KLHL28: variants seen among roughly 807,000 people sequenced by gnomAD.
The protein encoded by KLHL28 is kelch-like protein 28.
Under a neutral mutation model 48.3 loss-of-function variants are expected in KLHL28, and 22 were observed. That is an observed-to-expected ratio of 0.46 (90% confidence interval 0.33 to 0.65). KLHL28 has a LOEUF of 0.65. Among genes scored for constraint, KLHL28 ranks in the 30% least tolerant of loss-of-function variants. The pLI, the probability that KLHL28 is intolerant of heterozygous loss-of-function variation, is 0.03. For synonymous variants in KLHL28, 243 were observed against 242.4 expected (o/e 1.00, Z -0.02); for missense variants, 527 against 704.3 (o/e 0.75, Z 2.85).
At chr14:44,956,182 A>G (rs1275599501) in intron 1 of KLHL28, among the ~76,000 whole-genome samples, 2 of 152,086 alleles carry the variant, frequency 1.3e-5, no homozygotes, top group Non-Finnish European at 2.9e-5. Flanking sequence ...ACTAGTCTCA[A>G]TCTCCTGGTC....
intron 1 of KLHL28, among the ~76,000 whole-genome samples, chr14:44,947,884 T>C (rs1421305880): frequency 6.6e-6 from 1 of 152,210 alleles, no homozygotes; most frequent in East Asian, 1.9e-4. Flanking sequence ...TCAAATGTTA[T>C]TGCAGTCATG....
At chr14:44,947,614 T>G (rs1399253947) in intron 1 of KLHL28, among the ~76,000 whole-genome samples, 2 of 152,196 alleles carry the variant, frequency 1.3e-5, no homozygotes, top group African/African-American at 4.8e-5. Context: ...GTTTCCATCT[T>G]AAAACCATCA....
chr14:44,948,047 A>G (rs1324210564), intron 1 of KLHL28, among the ~76,000 whole-genome samples: 2 of 152,120 alleles, frequency 1.3e-5, no homozygotes, highest in Admixed American at 1.3e-4. Flanking sequence ...TTTTTAACCT[A>G]TGTAACTTCT....
intron 4 of KLHL28, among the ~76,000 whole-genome samples, chr14:44,930,353 G>A (rs529855719): frequency 2.0e-5 from 3 of 152,086 alleles, no homozygotes; most frequent in Non-Finnish European, 2.9e-5. Context: ...GCAGTGGCGC[G>A]ATCTCGGTTC....
At chr14:44,935,905 T>TATATATATATATATATATATATATA (rs1233257500) in intron 2 of KLHL28, among the ~76,000 whole-genome samples, 99 of 123,572 alleles carry the variant, frequency 8.0e-4, no homozygotes, top group Middle Eastern at 4.0e-3. Context: ...TATATATATC[T>TATATATATATATATATATATATATA]TTACCCTCCC....
chr14:44,952,610 T>A (rs1202275573), intron 1 of KLHL28, among the ~76,000 whole-genome samples: 1 of 152,126 alleles, frequency 6.6e-6, no homozygotes, highest in African/African-American at 2.4e-5. Flanking sequence ...CATGGCACAA[T>A]GCAACCTCAA....
At chr14:44,948,336 G>T (rs1021780394) in intron 1 of KLHL28, among the ~76,000 whole-genome samples, 2 of 152,104 alleles carry the variant, frequency 1.3e-5, no homozygotes, top group Admixed American at 6.5e-5. Context: ...TACTACAGTA[G>T]TACTATGGTA....
chr14:44,932,101 C>G (rs1319434733), intron 3 of KLHL28, among the ~76,000 whole-genome samples: 2 of 151,388 alleles, frequency 1.3e-5, no homozygotes, highest in East Asian at 2.0e-4. Flanking sequence ...GAGCTCACTG[C>G]AGCCTCAAAT....
At chr14:44,960,372 A>T (rs1594589282) in intron 1 of KLHL28, among the ~76,000 whole-genome samples, 1 of 152,286 alleles carries the variant, frequency 6.6e-6, no homozygotes, top group Middle Eastern at 3.4e-3. Context: ...TCCAACATAA[A>T]CTGGCACTGT....
At chr14:44,960,925 G>T in intron 1 of KLHL28, 1 of 1,535,830 alleles carries the variant, frequency 6.5e-7, no homozygotes. Context: ...CATTTGAAGT[G>T]CATAAATTTG....
intron 1 of KLHL28, chr14:44,953,800 T>C (rs1229893112): frequency 6.6e-6 from 1 of 152,182 alleles, no homozygotes; most frequent in Non-Finnish European, 1.5e-5. Flanking sequence ...CAACCTGAGA[T>C]TAGGGAACAG....
At chr14:44,943,349 T>A (rs1004461011) in intron 2 of KLHL28, among the ~76,000 whole-genome samples, 1 of 152,214 alleles carries the variant, frequency 6.6e-6, no homozygotes, top group African/African-American at 2.4e-5. Context: ...AATACTAGTT[T>A]CAGGTTACAG....
chr14:44,926,476 C>T lies in KLHL28; in HGVS notation c.*2552G>A, dbSNP rs1221471798. ...ACATGAGTAAAATATTGTTAAAATA[C>T]AATGTATAGAATAGATGTGTTTATA... On this transcript the variant is annotated 3_prime_UTR_variant, in exon 5 of 5. Coordinates refer to ENST00000396128, the MANE Select transcript of KLHL28 (RefSeq NM_017658.5). The T allele has an allele frequency of 2.0e-5, 3 of 151,698 alleles. No individual in the cohort carries two copies. Among genetic ancestry groups the T allele is most frequent in the Admixed American group, 1.3e-4 (2 of 15,218 alleles). The allele number at this position is 151,698 out of a possible 1,614,324, so 9.4% of individuals were successfully genotyped here. A position where few individuals can be genotyped will look rare whatever the true frequency, so the allele number is the denominator to read the frequency against.
chr14:44,945,677 A>C lies in KLHL28; in HGVS notation c.252T>G (p.Thr84=). 1 of 1,614,196 alleles carries C rather than the reference A, an allele frequency of 6.2e-7. No homozygotes were observed. The highest frequency in any genetic ancestry group is 2.2e-5 in the East Asian group (1 of 44,890). The part of the protein sequence containing the change: ...SEVEFQCIDE[T]ALQAIVEYAY... ...CATACTCCACAATGGCCTGGAGAGC[A>C]GTTTCATCAATGCATTGAAACTCAA... Residue 84 remains threonine (T), a synonymous_variant, in exon 2 of 5, where the codon ACT becomes ACG. Coordinates refer to ENST00000396128, the MANE Select transcript of KLHL28 (RefSeq NM_017658.5).
At chr14:44,944,412 A>G (rs776074722) in intron 2 of KLHL28, among the ~76,000 whole-genome samples, 8 of 152,240 alleles carry the variant, frequency 5.3e-5, no homozygotes, top group Non-Finnish European at 1.0e-4. Context: ...CACAAAGTCT[A>G]AAATATTTAC....
chr14:44,932,959 A>G (rs1271920307), intron 3 of KLHL28, among the ~76,000 whole-genome samples: 1 of 152,182 alleles, frequency 6.6e-6, no homozygotes, highest in Non-Finnish European at 1.5e-5. Context: ...TTTGTAGAGG[A>G]TTGGTTCCAG....
At chr14:44,958,753 T>C (rs1884909655) in intron 1 of KLHL28, among the ~76,000 whole-genome samples, 2 of 152,152 alleles carry the variant, frequency 1.3e-5, no homozygotes, top group African/African-American at 4.8e-5. Context: ...AATTAATCCC[T>C]GTCCACTGAA....
chr14:44,950,698 T>G (rs1884542886), intron 1 of KLHL28, among the ~76,000 whole-genome samples: 1 of 152,250 alleles, frequency 6.6e-6, no homozygotes, highest in African/African-American at 2.4e-5. Flanking sequence ...TTCAGTTTTC[T>G]CATTTGTAAA....
At chr14:44,945,950 T>TAA (rs778192195) in intron 1 of KLHL28, 22 bp from the exon 2 acceptor site, 1 of 1,588,152 alleles carries the variant, frequency 6.3e-7, no homozygotes, top group Admixed American at 1.7e-5. Flanking sequence ...TAAAAAAGCA[T>TAA]AGACAGTTAT....
Sources: gnomAD v4.1 joint callset for allele counts (sites outside exome capture counted in the v4.1 genomes callset) on GRCh38, gnomAD v4.1.1 for gene constraint, MANE v1.5 for transcripts, NCBI Gene and HGNC (gene_info 2026-07-23, HGNC 2026-07-21) for gene names.